Variants in ST18 observed in about 807,000 individuals in gnomAD.
The protein encoded by ST18 is suppression of tumorigenicity 18 protein.
A neutral mutation model predicts 110.0 loss-of-function variants in ST18; 50 were observed. The ratio of observed to expected loss-of-function variants is 0.45; its 90% confidence interval spans 0.36 to 0.58. ST18 has a LOEUF of 0.58. Among genes scored for constraint, ST18 ranks in the 20% least tolerant of loss-of-function variants. ST18 has a pLI of 0.00. For synonymous variants in ST18, 461 were observed against 452.4 expected (o/e 1.02, Z -0.24); for missense variants, 1,306 against 1,280.1 (o/e 1.02, Z -0.31).
intron 2 of ST18, among the ~76,000 whole-genome samples, chr8:52,269,760 G>A (rs971254593): frequency 6.6e-6 from 1 of 152,188 alleles, no homozygotes; most frequent in African/African-American, 2.4e-5. Flanking sequence ...TTTTACAGAT[G>A]CCCTTATTTT....
At chr8:52,306,381 T>G (rs1357054154) in intron 2 of ST18, among the ~76,000 whole-genome samples, 1 of 152,190 alleles carries the variant, frequency 6.6e-6, no homozygotes, top group South Asian at 2.1e-4. Flanking sequence ...GGGATGTTTG[T>G]CTATTGTGTT....
intron 16 of ST18, among the ~76,000 whole-genome samples, chr8:52,143,313 C>T (rs1196828558): frequency 1.3e-5 from 2 of 152,080 alleles, no homozygotes; most frequent in Admixed American, 1.3e-4. Flanking sequence ...GGTGAAATCC[C>T]GTCTCTACCA....
intron 2 of ST18, among the ~76,000 whole-genome samples, chr8:52,331,819 ACC>A: frequency 6.6e-6 from 1 of 152,144 alleles, no homozygotes; most frequent in Non-Finnish European, 1.5e-5. Context: ...CATTTCAATT[ACC>A]TATAATAATT....
chr8:52,240,216 C>T (rs2093263534), intron 2 of ST18, among the ~76,000 whole-genome samples: 1 of 152,052 alleles, frequency 6.6e-6, no homozygotes. Context: ...TCTATGCCAA[C>T]ATCAATTATA....
intron 2 of ST18, among the ~76,000 whole-genome samples, chr8:52,265,172 A>G (rs1474906986): frequency 6.6e-6 from 1 of 152,246 alleles, no homozygotes; most frequent in Non-Finnish European, 1.5e-5. Context: ...CCACAAGCAC[A>G]GGACAAGGCA....
At chr8:52,212,700 C>A (rs140747344) in intron 7 of ST18, among the ~76,000 whole-genome samples, 81 of 152,232 alleles carry the variant, frequency 5.3e-4, no homozygotes, top group African/African-American at 1.9e-3. Context: ...TACCTGCCTA[C>A]ACAAGGATAA....
At chr8:52,214,172 A>G (rs751823192) in intron 7 of ST18, 31 bp downstream of exon 7, 1 of 1,611,914 alleles carries the variant, frequency 6.2e-7, no homozygotes, top group South Asian at 1.1e-5. Context: ...TGTGGTGGGC[A>G]TAGTGTCATA....
chr8:52,190,087 A>G (rs1158066331), intron 8 of ST18, among the ~76,000 whole-genome samples: 1 of 152,192 alleles, frequency 6.6e-6, no homozygotes, highest in African/African-American at 2.4e-5. Flanking sequence ...CACTGACATG[A>G]TGTCACACAT....
chr8:52,383,121 T>C (rs895817025), intron 2 of ST18, among the ~76,000 whole-genome samples: 1 of 152,158 alleles, frequency 6.6e-6, no homozygotes, highest in Non-Finnish European at 1.5e-5. Flanking sequence ...CCTTTTATGA[T>C]CTGAAACTCA....
chr8:52,168,257 A>C (rs1188515713), intron 10 of ST18, among the ~76,000 whole-genome samples: 1 of 148,234 alleles, frequency 6.7e-6, no homozygotes, highest in Admixed American at 6.8e-5. Flanking sequence ...AGCACACTAG[A>C]TGCTGATAGT....
intron 2 of ST18, among the ~76,000 whole-genome samples, chr8:52,331,662 ATTG>A (rs543481117): frequency 3.3e-5 from 5 of 152,196 alleles, no homozygotes; most frequent in Non-Finnish European, 7.3e-5. Flanking sequence ...ACTATCACAC[ATTG>A]TTGTAATTAC....
chr8:52,142,504 C>T (rs1284247310), intron 17 of ST18, among the ~76,000 whole-genome samples: 2 of 152,174 alleles, frequency 1.3e-5, no homozygotes, highest in African/African-American at 4.8e-5. Flanking sequence ...CCCGCTAGTA[C>T]ATAACTCGTA....
At chr8:52,143,417 G>A (rs796098845) in intron 16 of ST18, among the ~76,000 whole-genome samples, 2 of 152,074 alleles carry the variant, frequency 1.3e-5, no homozygotes, top group Non-Finnish European at 1.5e-5. Flanking sequence ...CCCGGGAAGC[G>A]GGGGTTACAG....
chr8:52,180,208 T>C lies in ST18; in HGVS notation c.191A>G (p.Tyr64Cys), dbSNP rs2068807265. ...TTCTTGGCAGTCTGCTTTTGGGCTG[T>C]AGTGTCGGGGCTTCATTAGCAGGGA... Reference protein sequence around the residue: ...RKSLLMKPRHYSPKADCQEDR... With the variant: ...RKSLLMKPRHCSPKADCQEDR... Residue 64 changes from tyrosine (Y) to cysteine (C), a missense_variant, in exon 9 of 26, where the codon TAC becomes TGC. Physicochemically the swap from Tyr to Cys is radical, Grantham distance 194. Transcript: ENST00000689386. 6.2e-7 allele frequency: 1 copy of C among 1,614,210 alleles called. No individual in the cohort carries two copies. Among genetic ancestry groups the C allele is most frequent in the African/African-American group, 1.3e-5 (1 of 75,054 alleles).
chr8:52,266,755 G>A (rs560384412), intron 2 of ST18, among the ~76,000 whole-genome samples: 296 of 152,150 alleles, frequency 1.9e-3, no homozygotes, highest in African/African-American at 6.7e-3. Flanking sequence ...TGTTGGCCAG[G>A]CTGGTTTCAA....
chr8:52,247,177 G>C (rs1217467230), intron 2 of ST18, among the ~76,000 whole-genome samples: 1 of 152,110 alleles, frequency 6.6e-6, no homozygotes, highest in African/African-American at 2.4e-5. Context: ...GAGTGAATCA[G>C]AATAAAAGTC....
At chr8:52,204,676 T>C (rs1446014236) in intron 8 of ST18, among the ~76,000 whole-genome samples, 3 of 152,234 alleles carry the variant, frequency 2.0e-5, no homozygotes, top group African/African-American at 7.2e-5. Context: ...TGGCAAATTC[T>C]GCGTGTAAAA....
At chr8:52,407,681 TATATGGTTTTGG>T (rs1844997847) in intron 2 of ST18, 1 of 152,196 alleles carries the variant, frequency 6.6e-6, no homozygotes, top group Admixed American at 6.5e-5. Flanking sequence ...ATTTTAGAGA[TATATGGTTTTGG>T]TGGAGGACGC....
At chr8:52,280,705 T>C (rs1210678764) in intron 2 of ST18, among the ~76,000 whole-genome samples, 2 of 152,068 alleles carry the variant, frequency 1.3e-5, no homozygotes, top group East Asian at 1.9e-4. Flanking sequence ...CTTGTAAGCA[T>C]CCATTACCAC....
Sources: gnomAD v4.1 joint callset for allele counts (sites outside exome capture counted in the v4.1 genomes callset) on GRCh38, gnomAD v4.1.1 for gene constraint, MANE v1.5 for transcripts, NCBI Gene and HGNC (gene_info 2026-07-23, HGNC 2026-07-21) for gene names.